Variants in WDR19 observed in about 807,000 individuals in gnomAD.
WDR19 encodes WD repeat domain 19.
In WDR19, 121 loss-of-function variants were observed where a neutral mutation model predicts 180.0. The observed-to-expected ratio is 0.67, with a 90% CI of 0.58 to 0.78. The LOEUF (loss-of-function observed/expected upper bound fraction) is 0.78, where lower values mean the gene tolerates loss of function less well. Ranked by LOEUF, WDR19 falls within the 30% of genes least tolerant of loss-of-function variation. The probability of loss-of-function intolerance (pLI) is 0.00; values close to 1 mark genes in which losing one functional copy is unlikely to be tolerated. For synonymous variants in WDR19, 497 were observed against 540.7 expected (o/e 0.92, Z 1.12); for missense variants, 1,450 against 1,640.7 (o/e 0.88, Z 2.01).
At chr4:39,228,826 T>C in intron 17 of WDR19, 136 bp downstream of exon 17, 1 of 987,448 alleles carries the variant, frequency 1.0e-6, no homozygotes, top group East Asian at 2.7e-5. Flanking sequence ...TTTGTAAATG[T>C]AGAAGTACAA....
chr4:39,243,408 G>A (rs1428699215), intron 21 of WDR19, among the ~76,000 whole-genome samples: 1 of 152,128 alleles, frequency 6.6e-6, no homozygotes, highest in African/African-American at 2.4e-5. Flanking sequence ...GTGAAGTTGA[G>A]CGTGTTTTTA....
chr4:39,240,146 C>T (rs181964071), intron 20 of WDR19, 131 bp from the exon 21 acceptor site: 62 of 360,148 alleles, frequency 1.7e-4, no homozygotes, highest in Admixed American at 3.9e-4. Context: ...CACTGCACTC[C>T]GGCCTGGGCA....
At chr4:39,273,339 C>T in intron 32 of WDR19, 1 of 420,832 alleles carries the variant, frequency 2.4e-6, no homozygotes, top group Non-Finnish European at 4.2e-6. Flanking sequence ...CAAAGGCGAG[C>T]AGGTGCAGGC....
chr4:39,259,750 G>A (rs1365252518), intron 28 of WDR19, among the ~76,000 whole-genome samples: 3 of 152,144 alleles, frequency 2.0e-5, no homozygotes. Flanking sequence ...ACTCAGGAGT[G>A]GAATTTCTAG....
intron 23 of WDR19, among the ~76,000 whole-genome samples, chr4:39,244,938 C>CTTTTTTTTTTTT (rs72240523): frequency 8.7e-6 from 1 of 115,316 alleles, no homozygotes; most frequent in Non-Finnish European, 1.8e-5. Flanking sequence ...TTTTTTTTTT[C>CTTTTTTTTTTTT]TTTTTTTTTT....
At chr4:39,203,950 T>C (rs538178744) in intron 7 of WDR19, among the ~76,000 whole-genome samples, 1 of 152,326 alleles carries the variant, frequency 6.6e-6, no homozygotes, top group African/African-American at 2.4e-5. Flanking sequence ...TTGGTATTGC[T>C]CTTTTCATTC....
intron 9 of WDR19, among the ~76,000 whole-genome samples, chr4:39,208,488 G>A (rs1161825983): frequency 6.6e-6 from 1 of 151,886 alleles, no homozygotes; most frequent in Non-Finnish European, 1.5e-5. Context: ...TGTATTTTTA[G>A]TAGAGACGGG....
intron 12 of WDR19, 101 bp from the exon 13 acceptor site, chr4:39,217,033 A>G (rs1729136592): frequency 1.5e-6 from 1 of 685,786 alleles, no homozygotes; most frequent in Middle Eastern, 3.8e-4. Flanking sequence ...TTTTAAGTTC[A>G]GAATATTTTT....
At chr4:39,251,188 C>A (rs1489324982) in intron 24 of WDR19, among the ~76,000 whole-genome samples, 1 of 152,098 alleles carries the variant, frequency 6.6e-6, no homozygotes, top group South Asian at 2.1e-4. Flanking sequence ...AGAACAGAGC[C>A]CTCAGAAATA....
chr4:39,228,468 G>A lies in WDR19; in HGVS notation c.1778-18G>A. ...GAGTATTAGCTTTCAGCATTGCGAT[G>A]TCTGTTTTATAATGTAGGAGCCAAG... On this transcript the variant is annotated intron_variant, in intron 16 of 36. Coordinates refer to ENST00000399820, the MANE Select transcript of WDR19 (RefSeq NM_025132.4). 1.2e-6 allele frequency: 2 copies of A among 1,611,792 alleles called. No homozygotes were observed. Among genetic ancestry groups the A allele is most frequent in the South Asian group, 2.2e-5 (2 of 90,522 alleles).
At chr4:39,223,490 C>T (rs1209741649) in intron 14 of WDR19, among the ~76,000 whole-genome samples, 1 of 150,450 alleles carries the variant, frequency 6.6e-6, no homozygotes, top group African/African-American at 2.4e-5. Flanking sequence ...GCCACCACGC[C>T]CAGCAAATTT....
intron 20 of WDR19, among the ~76,000 whole-genome samples, chr4:39,239,069 C>T (rs148706038): frequency 2.2e-4 from 33 of 152,114 alleles, no homozygotes; most frequent in Non-Finnish European, 4.0e-4. Context: ...CTCTGCCTCC[C>T]GGGTTCAAGC....
chr4:39,248,352 G>C (rs188440322), intron 24 of WDR19, among the ~76,000 whole-genome samples: 1 of 152,294 alleles, frequency 6.6e-6, no homozygotes, highest in African/African-American at 2.4e-5. Context: ...CCTGAAGGAA[G>C]CACTAAACAT....
chr4:39,281,203 A>G (rs1481781204), intron 36 of WDR19, among the ~76,000 whole-genome samples: 3 of 74,246 alleles, frequency 4.0e-5, no homozygotes, highest in East Asian at 3.1e-4. Flanking sequence ...TCCTAAATAT[A>G]TATGTGTGTG....
intron 9 of WDR19, among the ~76,000 whole-genome samples, chr4:39,207,235 G>T (rs1418893391): frequency 6.6e-6 from 1 of 152,168 alleles, no homozygotes; most frequent in African/African-American, 2.4e-5. Context: ...TAAAGAGTCA[G>T]TGAACTTGAA....
chr4:39,277,196 T>C (rs1479414965), intron 34 of WDR19, 53 bp downstream of exon 34: 3 of 1,518,550 alleles, frequency 2.0e-6, no homozygotes, highest in Non-Finnish European at 2.7e-6. Flanking sequence ...TTGTAACCCA[T>C]TTGAATACTT....
chr4:39,197,907 C>T (rs558183319), intron 5 of WDR19, among the ~76,000 whole-genome samples: 66 of 152,272 alleles, frequency 4.3e-4, no homozygotes, highest in African/African-American at 1.4e-3. Context: ...GGTGGGATTA[C>T]GGCGCACTGC....
At position 39,215,945 on chromosome 4, in the gene WDR19, G is replaced by A. The variant is rs565630355; in HGVS notation, c.1066G>A (p.Ala356Thr). Reference protein sequence around the residue: ...FLTKLPILGDACSTRIAYLTS... With the variant: ...FLTKLPILGDTCSTRIAYLTS... The stretch of plus-strand genomic sequence containing the variant: ...GACCAAGCTTCCCATACTTGGGGAT[G>A]CCTGCAGCACAAGGATTGCCTATCT... The change falls in exon 11 of 37, where the codon GCC becomes ACC. Residue 356 changes from alanine (A) to threonine (T), a missense_variant. By Grantham distance (58) the Ala-to-Thr change is moderately conservative. Transcript: ENST00000399820. The A allele has an allele frequency of 1.2e-6, 2 of 1,613,584 alleles. No homozygotes were observed. Among genetic ancestry groups the A allele is most frequent in the Admixed American group, 3.3e-5 (2 of 59,974 alleles).
At position 39,189,738 on chromosome 4, in the gene WDR19, G is replaced by T; in HGVS notation, c.247G>T (p.Asp83Tyr). 6.2e-7 allele frequency: 1 copy of T among 1,611,446 alleles called. No individual in the cohort carries two copies. Among genetic ancestry groups the T allele is most frequent in the Non-Finnish European group, 8.5e-7 (1 of 1,179,092 alleles). Reference sequence around the variant, plus strand: ...GAAATCTAGCTGCATTTATCTTTGGGATGCCAACACAAATAAGACCAGCCA... The same window carrying T: ...GAAATCTAGCTGCATTTATCTTTGGTATGCCAACACAAATAAGACCAGCCA... ...AEKSSCIYLW[D>Y]ANTNKTSQLD... is the part of the protein sequence containing the mutation. Residue 83 changes from aspartate to tyrosine, a missense_variant, in exon 4 of 37, where the codon GAT (aspartate) becomes TAT (tyrosine). Physicochemically the swap from Asp to Tyr is radical, Grantham distance 160. Transcript: ENST00000399820.
Sources: allele counts gnomAD v4.1 joint callset (sites outside exome capture counted in the v4.1 genomes callset), GRCh38; gene constraint gnomAD v4.1.1; transcripts MANE v1.5; gene names NCBI Gene and HGNC (gene_info 2026-07-23, HGNC 2026-07-21).